Variants in FGF14 observed in about 807,000 individuals in gnomAD.
FGF14 encodes the protein fibroblast growth factor homologous factor 4.
Under a neutral mutation model 25.5 loss-of-function variants are expected in FGF14, and 5 were observed. The observed-to-expected ratio is 0.20, with a 90% CI of 0.10 to 0.41. FGF14 has a LOEUF of 0.41. Among genes scored for constraint, FGF14 ranks in the 10% least tolerant of loss-of-function variants. The pLI, the probability that FGF14 is intolerant of heterozygous loss-of-function variation, is 1.00. For synonymous variants in FGF14, 138 were observed against 118.3 expected, an observed-to-expected ratio of 1.17 and a Z score of -1.08; for missense variants, 222 against 320.1, an observed-to-expected ratio of 0.69 and a Z score of 2.34.
chr13:101,847,272 G>A (rs573241446), intron 3 of FGF14, among the ~76,000 whole-genome samples: 14 of 152,116 alleles, frequency 9.2e-5, no homozygotes, highest in African/African-American at 3.4e-4. Flanking sequence ...CACTGTCAGT[G>A]ATCACTGCCT....
At chr13:102,188,021 C>A (rs1014189626) in intron 1 of FGF14, among the ~76,000 whole-genome samples, 1 of 152,124 alleles carries the variant, frequency 6.6e-6, no homozygotes, top group Non-Finnish European at 1.5e-5. Context: ...TTAAATTTAA[C>A]AAATATTTAT....
At chr13:102,061,328 A>C (rs1256853527) in intron 1 of FGF14, among the ~76,000 whole-genome samples, 1 of 152,352 alleles carries the variant, frequency 6.6e-6, no homozygotes, top group East Asian at 1.9e-4. Context: ...TGGGAGCTGT[A>C]AACACTGGAC....
intron 1 of FGF14, among the ~76,000 whole-genome samples, chr13:101,902,079 G>A (rs947503634): frequency 6.6e-6 from 1 of 151,976 alleles, no homozygotes; most frequent in African/African-American, 2.4e-5. Context: ...GAAACCATAG[G>A]AATATCTCAG....
intron 1 of FGF14, among the ~76,000 whole-genome samples, chr13:102,032,752 A>G (rs1016865104): frequency 1.3e-5 from 2 of 152,086 alleles, no homozygotes; most frequent in African/African-American, 4.8e-5. Flanking sequence ...TTGCAGATGC[A>G]CTGTCAAGCT....
At chr13:102,054,011 A>T (rs1428535497) in intron 1 of FGF14, among the ~76,000 whole-genome samples, 1 of 152,152 alleles carries the variant, frequency 6.6e-6, no homozygotes, top group Non-Finnish European at 1.5e-5. Context: ...TATTGCAAGC[A>T]GGTAAGCAAT....
intron 1 of FGF14, among the ~76,000 whole-genome samples, chr13:102,395,944 A>G (rs2058571540): frequency 6.6e-6 from 1 of 151,824 alleles, no homozygotes; most frequent in South Asian, 2.1e-4. Context: ...TGACCAAAGT[A>G]AAAAAAATAG....
At position 101,806,454 on chromosome 13, in the gene FGF14, T is replaced by C. The variant is rs1594316775; in HGVS notation, c.408+62271A>G. Among the ~76,000 whole-genome samples, 3 of 150,960 alleles carry C rather than the reference T, an allele frequency of 2.0e-5. No homozygotes were observed. In the East Asian group the frequency reaches 5.8e-4, roughly 29 times the overall value. ...AAAAAAAAAAAGGAAGAAAAATATA[T>C]GTATATGTACATTGAGAAAATTTTT... On this transcript the variant is annotated intron_variant, in intron 3 of 4. Coordinates refer to ENST00000376143, the MANE Select transcript of FGF14 (RefSeq NM_004115.4).
intron 1 of FGF14, among the ~76,000 whole-genome samples, chr13:101,903,500 T>C (rs1159417620): frequency 1.3e-5 from 2 of 152,128 alleles, no homozygotes; most frequent in Admixed American, 1.3e-4. Flanking sequence ...CTATAAATAC[T>C]GGGAGGCATT....
intron 3 of FGF14, among the ~76,000 whole-genome samples, chr13:101,818,302 C>A (rs887705861): frequency 9.2e-5 from 14 of 152,188 alleles, no homozygotes; most frequent in African/African-American, 3.1e-4. Flanking sequence ...ATAAAGAAAT[C>A]ATTATCAACC....
intron 1 of FGF14, among the ~76,000 whole-genome samples, chr13:102,388,797 T>C (rs1314640434): frequency 1.3e-5 from 2 of 152,184 alleles, no homozygotes; most frequent in Non-Finnish European, 2.9e-5. Context: ...CCAATTATAA[T>C]TGAGCCATTC....
At chr13:102,352,416 G>A (rs1284918525) in intron 1 of FGF14, among the ~76,000 whole-genome samples, 2 of 152,100 alleles carry the variant, frequency 1.3e-5, no homozygotes, top group Non-Finnish European at 2.9e-5. Flanking sequence ...GAGACAAGTT[G>A]TTTTAATAAA....
At chr13:102,009,408 T>C (rs1014910285) in intron 1 of FGF14, among the ~76,000 whole-genome samples, 1 of 152,142 alleles carries the variant, frequency 6.6e-6, no homozygotes, top group African/African-American at 2.4e-5. Flanking sequence ...GGAAATAGTT[T>C]TTTATCAGTT....
At chr13:101,879,057 T>C (rs192092074) in intron 1 of FGF14, among the ~76,000 whole-genome samples, 23 of 152,302 alleles carry the variant, frequency 1.5e-4, no homozygotes, top group Non-Finnish European at 2.8e-4. Flanking sequence ...ATATTTTAGC[T>C]AGCCATGCAA....
intron 1 of FGF14, chr13:102,366,673 G>A (rs1386073095): frequency 6.9e-6 from 1 of 144,810 alleles, no homozygotes; most frequent in African/African-American, 2.6e-5. Context: ...TCTTCCTCCT[G>A]ACAGTAAACT....
At chr13:102,241,020 T>C (rs1382655064) in intron 1 of FGF14, among the ~76,000 whole-genome samples, 2 of 152,090 alleles carry the variant, frequency 1.3e-5, no homozygotes, top group Non-Finnish European at 2.9e-5. Context: ...GTGGGGGGAA[T>C]ATGCAAATGT....
chr13:102,401,456 G>A (rs754298563), intron 1 of FGF14: 8 of 1,608,562 alleles, frequency 5.0e-6, no homozygotes, highest in Non-Finnish European at 6.8e-6. Flanking sequence ...ATAACATGAT[G>A]CATGTTTCGC....
At chr13:101,818,134 C>T (rs1187955960) in intron 3 of FGF14, among the ~76,000 whole-genome samples, 8 of 152,170 alleles carry the variant, frequency 5.3e-5, no homozygotes, top group Admixed American at 6.5e-5. Context: ...CCTGCAGACA[C>T]GTGAAACCTT....
chr13:101,849,606 T>C (rs373932904), intron 3 of FGF14, among the ~76,000 whole-genome samples: 1 of 152,006 alleles, frequency 6.6e-6, no homozygotes, highest in African/African-American at 2.4e-5. Context: ...TGCGACCAAA[T>C]CTAGACAAAT....
intron 1 of FGF14, among the ~76,000 whole-genome samples, chr13:102,156,776 C>G (rs112535381): frequency 1.3e-5 from 2 of 152,058 alleles, no homozygotes; most frequent in African/African-American, 4.8e-5. Flanking sequence ...TGTCTCAGCC[C>G]AAAATCTCCT....
Sources: gnomAD v4.1 joint callset for allele counts (sites outside exome capture counted in the v4.1 genomes callset) on GRCh38, gnomAD v4.1.1 for gene constraint, MANE v1.5 for transcripts, NCBI Gene and HGNC (gene_info 2026-07-23, HGNC 2026-07-21) for gene names.